The following NRG3 variants were observed in gnomAD, a reference collection of about 807,000 sequenced individuals.
NRG3 encodes pro-neuregulin-3, membrane-bound isoform.
Under a neutral mutation model 66.9 loss-of-function variants are expected in NRG3, and 31 were observed. The observed-to-expected ratio is 0.46, with a 90% CI of 0.35 to 0.63. The LOEUF is 0.63. Among genes scored for constraint, NRG3 ranks in the 20% least tolerant of loss-of-function variants. The pLI is 0.00. For synonymous variants in NRG3, 393 were observed against 359.4 expected, an observed-to-expected ratio of 1.09 and a Z score of -1.06; for missense variants, 910 against 878.9, an observed-to-expected ratio of 1.04 and a Z score of -0.45.
intron 2 of NRG3, among the ~76,000 whole-genome samples, chr10:82,587,837 G>A (rs1317492585): frequency 6.6e-6 from 1 of 152,210 alleles, no homozygotes; most frequent in East Asian, 1.9e-4. Context: ...TGTAGGCACA[G>A]AGAGAAAGTA....
intron 1 of NRG3, among the ~76,000 whole-genome samples, chr10:81,922,089 T>C (rs1846302825): frequency 6.6e-6 from 1 of 152,168 alleles, no homozygotes; most frequent in Non-Finnish European, 1.5e-5. Flanking sequence ...ATGCCCACTA[T>C]TGCTATTTAG....
At chr10:81,941,651 A>T (rs1001404984) in intron 1 of NRG3, among the ~76,000 whole-genome samples, 1 of 152,156 alleles carries the variant, frequency 6.6e-6, no homozygotes, top group African/African-American at 2.4e-5. Flanking sequence ...AATGAGTTTT[A>T]GATTAGAAGT....
At chr10:82,190,768 G>A (rs2133348639) in intron 1 of NRG3, among the ~76,000 whole-genome samples, 1 of 152,226 alleles carries the variant, frequency 6.6e-6, no homozygotes, top group Non-Finnish European at 1.5e-5. Context: ...GTAGCTCCAG[G>A]GCTGGTTAAT....
At chr10:82,864,493 T>G (rs1000906284) in intron 3 of NRG3, among the ~76,000 whole-genome samples, 2 of 152,132 alleles carry the variant, frequency 1.3e-5, no homozygotes, top group Non-Finnish European at 2.9e-5. Context: ...TAGCAATAGT[T>G]TTTTCCCTTA....
chr10:82,387,755 A>G (rs79510917), intron 2 of NRG3, among the ~76,000 whole-genome samples: 2,221 of 152,292 alleles, frequency 0.015, 40 homozygotes, highest in African/African-American at 0.045. Context: ...CTTTCCATTA[A>G]AAATGTAAGT....
intron 4 of NRG3, among the ~76,000 whole-genome samples, chr10:82,940,381 G>A (rs1848483214): frequency 6.6e-6 from 1 of 152,226 alleles, no homozygotes; most frequent in South Asian, 2.1e-4. Flanking sequence ...TCCTAAGCTT[G>A]TAGAATCATT....
intron 2 of NRG3, among the ~76,000 whole-genome samples, chr10:82,456,137 C>CCT (rs771637537): frequency 1.9e-4 from 17 of 88,802 alleles, no homozygotes; most frequent in African/African-American, 6.4e-4. Flanking sequence ...TTTTCTGTCA[C>CCT]TTTTTTTTTT....
At chr10:82,307,125 G>T (rs1004066552) in intron 1 of NRG3, among the ~76,000 whole-genome samples, 1 of 151,668 alleles carries the variant, frequency 6.6e-6, no homozygotes, top group Non-Finnish European at 1.5e-5. Flanking sequence ...TATCCGATAG[G>T]CACATAAAAA....
chr10:82,251,861 G>T (rs2077504308), intron 1 of NRG3, among the ~76,000 whole-genome samples: 1 of 152,094 alleles, frequency 6.6e-6, no homozygotes, highest in African/African-American at 2.4e-5. Context: ...CCTGTGGGGG[G>T]CTTCTTGTCC....
chr10:82,751,471 A>G (rs919207227), intron 3 of NRG3, among the ~76,000 whole-genome samples: 4 of 152,154 alleles, frequency 2.6e-5, no homozygotes, highest in African/African-American at 4.8e-5. Flanking sequence ...TGCTTTGTGG[A>G]TAATCTGTAA....
At chr10:82,796,659 C>T (rs773792073) in intron 3 of NRG3, among the ~76,000 whole-genome samples, 67 of 152,200 alleles carry the variant, frequency 4.4e-4, no homozygotes, top group Non-Finnish European at 2.1e-4. Flanking sequence ...ATTATTTTCT[C>T]ATTTATTATT....
At chr10:82,460,765 T>C (rs1425496486) in intron 2 of NRG3, among the ~76,000 whole-genome samples, 2 of 152,148 alleles carry the variant, frequency 1.3e-5, no homozygotes, top group Non-Finnish European at 2.9e-5. Flanking sequence ...AGTCCCTGTG[T>C]GACCCTGCTA....
At chr10:82,171,216 G>A (rs1053342349) in intron 1 of NRG3, among the ~76,000 whole-genome samples, 6 of 151,950 alleles carry the variant, frequency 3.9e-5, no homozygotes, top group African/African-American at 4.8e-5. Context: ...AAGTAGAGAC[G>A]CATCAAATCA....
In NRG3 at chr10:82,635,498, G is replaced by A. The variant is rs141330320; in HGVS notation, c.954-103079G>A. 1.1e-3 allele frequency among the ~76,000 whole-genome samples: 163 copies of A among 152,254 alleles called. 2 individuals are homozygous for A. The highest frequency in any genetic ancestry group is 3.7e-3 in the African/African-American group (155 of 41,572). On this transcript the variant is annotated intron_variant, in intron 2 of 8. Transcript: ENST00000372141. ...CTTCTGAGGGTGCTGTAGGTCTTCTGTTGGGCTGGGGGAGGATTCATGGTC... is the reference window on the plus strand; with the variant it reads ...CTTCTGAGGGTGCTGTAGGTCTTCTATTGGGCTGGGGGAGGATTCATGGTC...
chr10:82,708,972 T>G (rs893066172), intron 2 of NRG3, among the ~76,000 whole-genome samples: 1 of 152,090 alleles, frequency 6.6e-6, no homozygotes, highest in Non-Finnish European at 1.5e-5. Context: ...AGCAGCCACT[T>G]TATAACTGGG....
intron 1 of NRG3, among the ~76,000 whole-genome samples, chr10:82,098,167 C>CATAT (rs60885865): frequency 1.3e-5 from 2 of 149,706 alleles, no homozygotes; most frequent in African/African-American, 4.9e-5. Context: ...ATGTATATGT[C>CATAT]ATATATATAT....
At chr10:82,347,493 G>C (rs1304247226) in intron 1 of NRG3, among the ~76,000 whole-genome samples, 1 of 151,330 alleles carries the variant, frequency 6.6e-6, no homozygotes, top group African/African-American at 2.4e-5. Flanking sequence ...CCAACTATGT[G>C]GTCAATTTTG....
chr10:82,229,919 G>GA (rs1331903511), intron 1 of NRG3, among the ~76,000 whole-genome samples: 3 of 152,074 alleles, frequency 2.0e-5, no homozygotes, highest in South Asian at 4.2e-4. Context: ...TGTGAACAGT[G>GA]AAAAAATGAA....
chr10:82,631,867 C>A (rs554490722), intron 2 of NRG3, among the ~76,000 whole-genome samples: 1 of 152,004 alleles, frequency 6.6e-6, no homozygotes, highest in African/African-American at 2.4e-5. Flanking sequence ...TTTAAGAGGC[C>A]GAGGCAGGCA....
Sources: allele counts gnomAD v4.1 joint callset (sites outside exome capture counted in the v4.1 genomes callset), GRCh38; gene constraint gnomAD v4.1.1; transcripts MANE v1.5; gene names NCBI Gene and HGNC (gene_info 2026-07-23, HGNC 2026-07-21).